The following PDE12 variants were observed in gnomAD, a reference collection of about 807,000 sequenced individuals.
PDE12 encodes 2',5'-phosphodiesterase 12.
PDE12 carries 26 observed loss-of-function variants against 45.4 expected under a neutral mutation model. The observed-to-expected ratio is 0.57, with a 90% CI of 0.42 to 0.79. The LOEUF (loss-of-function observed/expected upper bound fraction) is 0.79. Ranked by LOEUF, PDE12 falls within the 30% of genes least tolerant of loss-of-function variation. The pLI is 0.00. For missense variants in PDE12, 668 were observed against 790.0 expected (o/e 0.85, Z 1.85); for synonymous variants, 283 against 323.9 (o/e 0.87, Z 1.36).
the PDE12 span, chr3:57,630,791 C>A: frequency 6.2e-7 from 1 of 1,613,996 alleles, no homozygotes; most frequent in Non-Finnish European, 8.5e-7. Flanking sequence ...TTCATAAATT[C>A]TTCTGGAAGA....
chr3:57,593,705 A>G, the PDE12 span, among the ~76,000 whole-genome samples: 50 of 152,324 alleles, frequency 3.3e-4, no homozygotes, highest in African/African-American at 1.1e-3. Context: ...ACAACATTAC[A>G]TCTTATCATG....
chr3:57,610,379 G>A, the PDE12 span, among the ~76,000 whole-genome samples: 5 of 152,048 alleles, frequency 3.3e-5, no homozygotes, highest in South Asian at 2.1e-4. Context: ...TGGAAGTTCT[G>A]GCCAGGGCAA....
the PDE12 span, chr3:57,634,467 C>A: frequency 1.2e-5 from 7 of 571,622 alleles, no homozygotes; most frequent in Non-Finnish European, 1.8e-5. Flanking sequence ...GATCCTATTT[C>A]ACATTAGTAT....
At chr3:57,628,941 C>CT in the PDE12 span, 1 of 1,482,860 alleles carries the variant, frequency 6.7e-7, no homozygotes, top group East Asian at 2.3e-5. Context: ...TCAAACCTCT[C>CT]TATTTCAATA....
At chr3:57,633,265 T>A in the PDE12 span, 1 of 1,610,304 alleles carries the variant, frequency 6.2e-7, no homozygotes, top group Admixed American at 1.7e-5. Context: ...ATTAACTTAC[T>A]AATGGAATGA....
chr3:57,561,514 C>G lies in PDE12; in HGVS notation c.*1510C>G. The G allele has an allele frequency of 1.0e-6, 1 of 984,682 alleles. No homozygotes were observed. The allele number at this position is 984,682 out of a possible 1,614,324, so 61.0% of individuals were successfully genotyped here. A position where few individuals can be genotyped will look rare whatever the true frequency, so the allele number is the denominator to read the frequency against. ...ATGGTTATACTGATTAGTGTCTAGC[C>G]TAGAGTGGTAACCATGCTTTACTAA... On this transcript the variant is annotated 3_prime_UTR_variant, in exon 3 of 3. Coordinates refer to ENST00000311180, the MANE Select transcript of PDE12 (RefSeq NM_177966.7).
the PDE12 span, among the ~76,000 whole-genome samples, chr3:57,618,607 G>GGTT: frequency 1.3e-5 from 1 of 79,390 alleles, no homozygotes; most frequent in African/African-American, 4.3e-5. Context: ...TTGCTTTTGT[G>GGTT]TTTTTTTTTT....
At chr3:57,574,839 G>A in the PDE12 span, among the ~76,000 whole-genome samples, 35 of 151,902 alleles carry the variant, frequency 2.3e-4, no homozygotes, top group Middle Eastern at 3.4e-3. Flanking sequence ...GCAACAAAGC[G>A]AGACCCCCCA....
At chr3:57,557,713 A>C (rs2069682649) in intron 1 of PDE12, 26 bp downstream of exon 1, 1 of 1,593,046 alleles carries the variant, frequency 6.3e-7, no homozygotes, top group Non-Finnish European at 8.6e-7. Flanking sequence ...CCGTCTCTTC[A>C]CATACTGTCC....
Position 57,556,997 on chromosome 3 carries a change from G to A in PDE12, c.618G>A (p.Ala206=). The A allele has an allele frequency of 6.2e-7, 1 of 1,614,152 alleles. No individual in the cohort carries two copies. The highest frequency in any genetic ancestry group is 8.5e-7 in the Non-Finnish European group (1 of 1,180,034). ...RWYKEAKPGA[A]EPEVGVPSSL... ...ATAAGGAAGCCAAGCCCGGAGCGGC[G>A]GAGCCCGAGGTCGGTGTCCCCTCGT... Residue 206 remains alanine (A), a synonymous_variant, in exon 1 of 3, where the codon GCG becomes GCA. Transcript: ENST00000311180. This position sits in a 1 kb window ranked among gnomAD's most constrained non-coding sequence, Gnocchi z 5.0.
At chr3:57,616,485 AAGGAGGAAGAGG>A in the PDE12 span, among the ~76,000 whole-genome samples, 1 of 137,556 alleles carries the variant, frequency 7.3e-6, no homozygotes, top group Non-Finnish European at 1.7e-5. Context: ...AAGAAGAAAG[AAGGAGGAAGAGG>A]AGGAGGAAGA....
chr3:57,635,815 C>T, the PDE12 span, among the ~76,000 whole-genome samples: 2 of 152,104 alleles, frequency 1.3e-5, no homozygotes, highest in African/African-American at 2.4e-5. Context: ...TTAAACTGTG[C>T]ATATTCACTT....
the PDE12 span, among the ~76,000 whole-genome samples, chr3:57,635,253 T>C: frequency 6.6e-6 from 1 of 152,148 alleles, no homozygotes; most frequent in Non-Finnish European, 1.5e-5. Context: ...AAATTCAGCT[T>C]TTCCATTATA....
At chr3:57,630,655 T>C in the PDE12 span, 13 of 1,563,028 alleles carry the variant, frequency 8.3e-6, no homozygotes, top group Middle Eastern at 1.7e-4. Context: ...AGTTTAGCTT[T>C]TTGTTTTGCT....
At chr3:57,573,021 T>A in the PDE12 span, among the ~76,000 whole-genome samples, 1 of 151,822 alleles carries the variant, frequency 6.6e-6, no homozygotes, top group Non-Finnish European at 1.5e-5. Context: ...GCTAACGCAG[T>A]GAAACCCTGT....
At chr3:57,581,787 C>G in the PDE12 span, among the ~76,000 whole-genome samples, 1 of 151,968 alleles carries the variant, frequency 6.6e-6, no homozygotes, top group Non-Finnish European at 1.5e-5. Context: ...ACGAGAACTC[C>G]ATCTCAAAAA....
the PDE12 span, chr3:57,577,472 G>A: frequency 4.0e-6 from 4 of 1,007,770 alleles, no homozygotes; most frequent in African/African-American, 4.8e-5. Context: ...TGGTACCAAT[G>A]GTTAGACATT....
At chr3:57,630,248 TTATC>T in the PDE12 span, 231,990 of 528,518 alleles carry the variant, frequency 0.44, 53,492 homozygotes, top group Middle Eastern at 0.61. Flanking sequence ...TTAAAAGAGA[TTATC>T]TATATAAAGC....
the PDE12 span, chr3:57,572,167 G>T: frequency 1.5e-5 from 23 of 1,503,842 alleles, no homozygotes; most frequent in Admixed American, 3.2e-4. Context: ...AACAAGCCTA[G>T]ACCAATTTTA....
Sources: gnomAD v4.1 joint callset for allele counts (sites outside exome capture counted in the v4.1 genomes callset) on GRCh38, gnomAD v4.1.1 for gene constraint, Gnocchi (gnomAD v3.1) non-coding constraint, MANE v1.5 for transcripts, NCBI Gene and HGNC (gene_info 2026-07-23, HGNC 2026-07-21) for gene names.